Variants in WDR72 observed in about 807,000 individuals in gnomAD.
WDR72 encodes WD repeat-containing protein 72.
A neutral mutation model predicts 124.2 loss-of-function variants in WDR72; 120 were observed. The observed-to-expected ratio is 0.97, with a 90% confidence interval of 0.83 to 1.12. The LOEUF (loss-of-function observed/expected upper bound fraction) is 1.12. Ranked by LOEUF, WDR72 falls within the 50% of genes most tolerant of loss-of-function variation. WDR72 has a pLI of 0.00. For synonymous variants in WDR72, 452 were observed against 441.7 expected, an observed-to-expected ratio of 1.02 and a Z score of -0.29; for missense variants, 1,387 against 1,278.8, an observed-to-expected ratio of 1.08 and a Z score of -1.29.
At position 53,698,358 on chromosome 15, in the gene WDR72, A is replaced by C. The variant is rs139928367; in HGVS notation, c.1765+1392T>G. On this transcript the variant is annotated intron_variant, in intron 13 of 19. Coordinates refer to ENST00000360509, the MANE Select transcript of WDR72 (RefSeq NM_182758.4). ...TTCACAACTGAAAATGCAATTGGGCACATTAATAAGCATATGTGATTTACA... is the reference window on the plus strand; with the variant it reads ...TTCACAACTGAAAATGCAATTGGGCCCATTAATAAGCATATGTGATTTACA... Among the ~76,000 whole-genome samples, 380 of 152,336 alleles carry C rather than the reference A, an allele frequency of 2.5e-3. 2 individuals are homozygous for C. The highest frequency in any genetic ancestry group is 8.9e-3 in the African/African-American group (369 of 41,572).
intron 13 of WDR72, among the ~76,000 whole-genome samples, chr15:53,687,757 C>CA (rs1187725708): frequency 6.8e-6 from 1 of 147,578 alleles, no homozygotes; most frequent in Non-Finnish European, 1.5e-5. Context: ...GAGACACAAC[C>CA]AAAAAAGAGA....
intron 1 of WDR72, among the ~76,000 whole-genome samples, chr15:53,733,484 G>A (rs1340904697): frequency 6.6e-6 from 1 of 152,086 alleles, no homozygotes; most frequent in Non-Finnish European, 1.5e-5. Context: ...GTCCTGCTGG[G>A]CCTCTCAAGA....
intron 13 of WDR72, among the ~76,000 whole-genome samples, chr15:53,686,944 C>A (rs1302344921): frequency 6.6e-6 from 1 of 151,590 alleles, no homozygotes; most frequent in Non-Finnish European, 1.5e-5. Flanking sequence ...AACTGAACAA[C>A]CTGCTCCTGA....
chr15:53,516,786 C>T lies in WDR72; in HGVS notation c.*913G>A, dbSNP rs188922992. The T allele has an allele frequency of 1.3e-5, 2 of 151,858 alleles. No individual in the cohort carries two copies. Among genetic ancestry groups the T allele is most frequent in the Admixed American group, 6.6e-5 (1 of 15,230 alleles). The allele number at this position is 151,858 out of a possible 1,614,324, so 9.4% of individuals were successfully genotyped here. ...ATAATTTTGATGATTTTCTGTAAAT[C>T]GAGGAACTGTACAATATAAATCATA... On this transcript the variant is annotated 3_prime_UTR_variant, in exon 20 of 20. Transcript: ENST00000360509.
intron 13 of WDR72, among the ~76,000 whole-genome samples, chr15:53,690,270 TTTTA>T (rs2016795905): frequency 6.6e-6 from 1 of 152,194 alleles, no homozygotes. Flanking sequence ...TGTATGTTGT[TTTTA>T]TTTAAATTGA....
intron 18 of WDR72, among the ~76,000 whole-genome samples, chr15:53,575,338 A>T (rs1894714496): frequency 6.6e-6 from 1 of 152,138 alleles, no homozygotes; most frequent in South Asian, 2.1e-4. Flanking sequence ...CTGGATGCTG[A>T]CACTTTATAT....
rs1209148650 is a variant in WDR72, at chr15:53,514,643, CTTAA to C, written c.*3052_*3055del. The stretch of plus-strand genomic sequence containing the variant: ...CTAATACCATCATGTTCAAAGCAGC[CTTAA>C]TTTAGTTTCTAAAATAGTAACAGAA... On this transcript the variant is annotated 3_prime_UTR_variant, in exon 20 of 20. Transcript: ENST00000360509. 6 of 152,070 alleles carry C rather than the reference CTTAA, an allele frequency of 3.9e-5. No homozygotes were observed. Among genetic ancestry groups the C allele is most frequent in the Non-Finnish European group, 5.9e-5 (4 of 68,008 alleles). The allele number at this position is 152,070 out of a possible 1,614,324, so 9.4% of individuals were successfully genotyped here.
chr15:53,616,612 T>TA (rs1405951903), intron 14 of WDR72, among the ~76,000 whole-genome samples: 1 of 151,982 alleles, frequency 6.6e-6, no homozygotes, highest in Non-Finnish European at 1.5e-5. Context: ...AGAACAAATG[T>TA]AAGAACGCAT....
In WDR72 at chr15:53,712,740, T is replaced by C. The variant is rs1243005151; in HGVS notation, c.711+32A>G. ...AAACAAAAAAAATTACACTTGTACA[T>C]CACTGGTATTTATTATGTTACTTTA... is the stretch of plus-strand genomic sequence containing the variant. On this transcript the variant is annotated intron_variant, in intron 7 of 19. Coordinates refer to ENST00000360509, the MANE Select transcript of WDR72 (RefSeq NM_182758.4). 6 of 1,598,998 alleles carry C rather than the reference T, an allele frequency of 3.8e-6. No individual in the cohort carries two copies. In the South Asian group the frequency reaches 5.5e-5, roughly 15 times the overall value.
At chr15:53,754,876 T>C (rs2018860635) in intron 1 of WDR72, among the ~76,000 whole-genome samples, 1 of 152,206 alleles carries the variant, frequency 6.6e-6, no homozygotes, top group Non-Finnish European at 1.5e-5. Context: ...GATATGATTT[T>C]TCTCTGGATT....
intron 18 of WDR72, among the ~76,000 whole-genome samples, chr15:53,553,179 T>G (rs1893806225): frequency 6.6e-6 from 1 of 152,198 alleles, no homozygotes; most frequent in Non-Finnish European, 1.5e-5. Flanking sequence ...TCTGGCAAGA[T>G]AGCGGCTTCA....
intron 13 of WDR72, among the ~76,000 whole-genome samples, chr15:53,676,658 AG>A (rs1386700157): frequency 1.4e-4 from 21 of 152,332 alleles, no homozygotes; most frequent in African/African-American, 4.6e-4. Flanking sequence ...CAGAGCCTCT[AG>A]ATGAGAGCCC....
chr15:53,639,236 C>T (rs896542421), intron 14 of WDR72, among the ~76,000 whole-genome samples: 1 of 151,950 alleles, frequency 6.6e-6, no homozygotes, highest in African/African-American at 2.4e-5. Context: ...AAAGTATCTC[C>T]TATGTGCTGG....
intron 18 of WDR72, among the ~76,000 whole-genome samples, chr15:53,593,121 C>T (rs1250262283): frequency 6.6e-6 from 1 of 152,000 alleles, no homozygotes; most frequent in African/African-American, 2.4e-5. Flanking sequence ...TAGACACATC[C>T]CTACAAATAG....
chr15:53,710,267 G>T (rs2447051), intron 9 of WDR72, among the ~76,000 whole-genome samples: 6 of 152,196 alleles, frequency 3.9e-5, no homozygotes, highest in Admixed American at 3.9e-4. Context: ...GAGTAGATAC[G>T]TAAAAATGTT....
chr15:53,667,188 C>CA (rs923673314), intron 13 of WDR72, among the ~76,000 whole-genome samples: 1 of 151,706 alleles, frequency 6.6e-6, no homozygotes, highest in Non-Finnish European at 1.5e-5. Flanking sequence ...GCCATCTCTA[C>CA]AAAAAAACAC....
In WDR72 at chr15:53,517,416, T is replaced by C. The variant is rs1891523802; in HGVS notation, c.*283A>G. On this transcript the variant is annotated 3_prime_UTR_variant, in exon 20 of 20. Transcript: ENST00000360509. ...TTTGTGTCTGTGGACTGGCATTCCC[T>C]GTTGGAAATATTAACAGAAAAAGTA... 2 of 400,422 alleles carry C rather than the reference T, an allele frequency of 5.0e-6. No individual in the cohort carries two copies. Among genetic ancestry groups the C allele is most frequent in the East Asian group, 1.0e-4 (2 of 19,568 alleles). 24.8% of individuals were successfully genotyped at this position (400,422 alleles called of 1,614,324 possible). A position where few individuals can be genotyped will look rare whatever the true frequency, so the allele number is the denominator to read the frequency against.
chr15:53,661,932 C>A (rs1041757392), intron 14 of WDR72, among the ~76,000 whole-genome samples: 3 of 152,006 alleles, frequency 2.0e-5, no homozygotes, highest in Non-Finnish European at 4.4e-5. Flanking sequence ...CTACAATGGG[C>A]CCCAAATAAT....
intron 13 of WDR72, among the ~76,000 whole-genome samples, chr15:53,670,687 T>C (rs978540254): frequency 3.3e-5 from 5 of 152,204 alleles, no homozygotes; most frequent in Non-Finnish European, 5.9e-5. Context: ...ATCTGTACAA[T>C]GGGGATAATA....
Sources: allele counts gnomAD v4.1 joint callset (sites outside exome capture counted in the v4.1 genomes callset), GRCh38; gene constraint gnomAD v4.1.1; transcripts MANE v1.5; gene names NCBI Gene and HGNC (gene_info 2026-07-23, HGNC 2026-07-21).